Variants in ZMYM4 observed in about 807,000 individuals in gnomAD.
ZMYM4 encodes the protein zinc finger MYM-type containing 4.
ZMYM4 carries 31 observed loss-of-function variants against 183.2 expected under a neutral mutation model. The observed-to-expected ratio is 0.17, with a 90% CI of 0.13 to 0.23. ZMYM4 has a LOEUF of 0.23. Among genes scored for constraint, ZMYM4 ranks in the 10% least tolerant of loss-of-function variants. The probability of loss-of-function intolerance (pLI) is 1.00; values close to 1 mark genes in which losing one functional copy is unlikely to be tolerated. For missense variants in ZMYM4, 1,273 were observed against 1,840.3 expected (o/e 0.69, Z 5.64); for synonymous variants, 592 against 631.2 (o/e 0.94, Z 0.93).
chr1:35,388,896 T>C lies in ZMYM4; in HGVS notation c.2264-14T>C. On this transcript the variant is annotated splice_polypyrimidine_tract_variant and intron_variant, in intron 13 of 29. Coordinates refer to ENST00000314607, the MANE Select transcript of ZMYM4 (RefSeq NM_005095.3). ...CTTCTACCTAATGTTAATTTTATCT[T>C]TCCTGATTTTTAGGTTGCAAATTGC... is the stretch of plus-strand genomic sequence containing the variant. The C allele has an allele frequency of 6.2e-7, 1 of 1,612,766 alleles. No homozygotes were observed. The highest frequency in any genetic ancestry group is 8.5e-7 in the Non-Finnish European group (1 of 1,179,206).
intron 1 of ZMYM4, among the ~76,000 whole-genome samples, chr1:35,305,142 C>T (rs1259521135): frequency 6.6e-6 from 1 of 152,148 alleles, no homozygotes; most frequent in Non-Finnish European, 1.5e-5. Context: ...CTGCGCCCAG[C>T]CCACAAGTAA....
At position 35,405,477 on chromosome 1, in the gene ZMYM4, T is replaced by G; in HGVS notation, c.3796+9T>G. On this transcript the variant is annotated intron_variant, in intron 25 of 29. Transcript: ENST00000314607. ...AGAGCCAGGCTGTAGAGGTAAAATTTGTTTCTCTCCATTTGGTATGAATTA... is the reference window on the plus strand; with the variant it reads ...AGAGCCAGGCTGTAGAGGTAAAATTGGTTTCTCTCCATTTGGTATGAATTA... The G allele has an allele frequency of 6.3e-7, 1 of 1,581,626 alleles. No homozygotes were observed. Among genetic ancestry groups the G allele is most frequent in the Non-Finnish European group, 8.6e-7 (1 of 1,165,468 alleles).
In ZMYM4 at chr1:35,415,685, C is replaced by T. The variant is rs1640086120; in HGVS notation, c.4280C>T (p.Pro1427Leu). Residue 1427 changes from proline (P) to leucine (L), a missense_variant, in exon 28 of 30, where the codon CCA becomes CTA. Around this residue, in one of 6 missense-constraint regions of ZMYM4, gnomAD observed 145 missense variants for 331.6 expected, o/e 0.44. Coordinates refer to ENST00000314607, the MANE Select transcript of ZMYM4 (RefSeq NM_005095.3). ...STKMTYLRFF[P>L]PLQKQESEPD... is the part of the protein sequence containing the mutation. ...AAGATGACATATCTGAGGTTCTTCC[C>T]ACCTTTACAGAAGCAGGAGTCAGAA... is the stretch of plus-strand genomic sequence containing the variant. 2 of 1,613,418 alleles carry T rather than the reference C, an allele frequency of 1.2e-6. No homozygotes were observed. Among genetic ancestry groups the T allele is most frequent in the Non-Finnish European group, 1.7e-6 (2 of 1,180,020 alleles).
intron 23 of ZMYM4, among the ~76,000 whole-genome samples, chr1:35,403,916 A>G (rs940503424): frequency 1.3e-5 from 2 of 152,122 alleles, no homozygotes; most frequent in Non-Finnish European, 2.9e-5. Context: ...TAATCTTTCA[A>G]GAAGTTTGTC....
intron 1 of ZMYM4, among the ~76,000 whole-genome samples, chr1:35,270,531 G>T (rs954481234): frequency 6.6e-6 from 1 of 152,178 alleles, no homozygotes. Flanking sequence ...GGCCGAGGCG[G>T]CAGGATCACT....
intron 2 of ZMYM4, among the ~76,000 whole-genome samples, chr1:35,339,107 C>T (rs1470773849): frequency 6.6e-6 from 1 of 152,082 alleles, no homozygotes; most frequent in Non-Finnish European, 1.5e-5. Context: ...TTCAACCAAT[C>T]GTGGATCAAA....
At chr1:35,376,643 C>A (rs1450639092) in intron 7 of ZMYM4, among the ~76,000 whole-genome samples, 2 of 152,036 alleles carry the variant, frequency 1.3e-5, no homozygotes, top group Admixed American at 1.3e-4. Context: ...CCTGCCTCAG[C>A]CTCTCGAGTA....
At chr1:35,346,035 G>A (rs749877275) in intron 2 of ZMYM4, among the ~76,000 whole-genome samples, 5 of 152,194 alleles carry the variant, frequency 3.3e-5, no homozygotes, top group African/African-American at 7.2e-5. Context: ...GAATCATGCA[G>A]TGTTTATCTT....
At chr1:35,406,308 C>A (rs1558186248) in intron 25 of ZMYM4, among the ~76,000 whole-genome samples, 1 of 152,138 alleles carries the variant, frequency 6.6e-6, no homozygotes, top group African/African-American at 2.4e-5. Flanking sequence ...TAAATACACT[C>A]CTGTTGTGGA....
intron 5 of ZMYM4, among the ~76,000 whole-genome samples, chr1:35,365,468 T>G (rs1475730124): frequency 3.3e-5 from 5 of 152,072 alleles, no homozygotes; most frequent in African/African-American, 1.2e-4. Context: ...GAGGACGAGC[T>G]AATGTGTAGT....
At chr1:35,297,922 A>C (rs755868826) in intron 1 of ZMYM4, among the ~76,000 whole-genome samples, 1 of 152,246 alleles carries the variant, frequency 6.6e-6, no homozygotes, top group Non-Finnish European at 1.5e-5. Flanking sequence ...AGTAATTTGA[A>C]TATGGAAAGT....
In ZMYM4 at chr1:35,387,444, T is replaced by A; in HGVS notation, c.2113-10T>A. 2 of 1,598,372 alleles carry A rather than the reference T, an allele frequency of 1.3e-6. No homozygotes were observed. Among genetic ancestry groups the A allele is most frequent in the South Asian group, 1.1e-5 (1 of 87,536 alleles). Reference sequence around the variant, plus strand: ...TGTTTAATTAGTACTTAATGATTATTTCTTTGCAGGGCAAAATGTTTCAGT... The same window carrying A: ...TGTTTAATTAGTACTTAATGATTATATCTTTGCAGGGCAAAATGTTTCAGT... On this transcript the variant is annotated splice_polypyrimidine_tract_variant and intron_variant, in intron 12 of 29. Transcript: ENST00000314607.
intron 5 of ZMYM4, among the ~76,000 whole-genome samples, chr1:35,362,645 G>A (rs1486682185): frequency 6.6e-6 from 1 of 151,972 alleles, no homozygotes; most frequent in African/African-American, 2.4e-5. Flanking sequence ...TATATTAGAA[G>A]GTTTGAGACT....
Position 35,340,891 on chromosome 1 carries a change from G to A in ZMYM4, c.85+15486G>A, listed in dbSNP as rs188823719. ...TGCAAGCTCTTTATTTTATATTTTA[G>A]CATTTAAGTTTTATTTAATTGGATG... is the stretch of plus-strand genomic sequence containing the variant. On this transcript the variant is annotated intron_variant, in intron 2 of 29. Coordinates refer to ENST00000314607, the MANE Select transcript of ZMYM4 (RefSeq NM_005095.3). 6.6e-5 allele frequency among the ~76,000 whole-genome samples: 10 copies of A among 152,080 alleles called. No individual in the cohort carries two copies. In the East Asian group the frequency reaches 1.7e-3, roughly 26 times the overall value.
At position 35,347,936 on chromosome 1, in the gene ZMYM4, A is replaced by G. The variant is rs488019; in HGVS notation, c.86-10989A>G. ...TTACTCAGTAAGATGATAGTTTATTACAGTGATGTGCTTCAGTTTTAATAG... is the reference window on the plus strand; with the variant it reads ...TTACTCAGTAAGATGATAGTTTATTGCAGTGATGTGCTTCAGTTTTAATAG... On this transcript the variant is annotated intron_variant, in intron 2 of 29. Coordinates refer to ENST00000314607, the MANE Select transcript of ZMYM4 (RefSeq NM_005095.3). Among the ~76,000 whole-genome samples, 1,317 of 152,332 alleles carry G rather than the reference A, an allele frequency of 8.6e-3. 22 individuals are homozygous for G. The highest frequency in any genetic ancestry group is 0.026 in the African/African-American group (1,065 of 41,572).
chr1:35,372,196 TG>T (rs1644229116), intron 7 of ZMYM4, among the ~76,000 whole-genome samples: 3 of 152,216 alleles, frequency 2.0e-5, no homozygotes, highest in African/African-American at 7.2e-5. Context: ...TATATAAGAT[TG>T]GTGCTTTTGT....
intron 28 of ZMYM4, among the ~76,000 whole-genome samples, chr1:35,418,051 T>G (rs1272847051): frequency 6.6e-6 from 1 of 151,960 alleles, no homozygotes; most frequent in African/African-American, 2.4e-5. Flanking sequence ...TGATCTCTAC[T>G]GTAGGAGAAA....
At chr1:35,415,382 C>T in intron 27 of ZMYM4, 84 bp from the exon 28 acceptor site, 8 of 1,546,954 alleles carry the variant, frequency 5.2e-6, no homozygotes, top group African/African-American at 1.4e-5. Flanking sequence ...CTCTTTATAT[C>T]TCCCTGTCTT....
At position 35,389,781 on chromosome 1, in the gene ZMYM4, ATG is replaced by A. The variant is rs139535337; in HGVS notation, c.2437-141_2437-140del. ...AAAAAAAAAAAAAATATATATATAT[ATG>A]TGTGTGTGTGTGTGTGTGTGTGTGT... On this transcript the variant is annotated intron_variant, in intron 14 of 29. Transcript: ENST00000314607. The surrounding 1 kb of genome is among the most constrained non-coding windows in gnomAD (Gnocchi z 4.0). Among the ~76,000 whole-genome samples the A allele has an allele frequency of 3.3e-3, 461 of 141,268 alleles. 1 individual carries two copies. The highest frequency in any genetic ancestry group is 9.5e-3 in the African/African-American group (359 of 37,642). 92.7% of individuals were successfully genotyped at this position (141,268 alleles called of 152,430 possible).
Sources: gnomAD v4.1 joint callset for allele counts (sites outside exome capture counted in the v4.1 genomes callset) on GRCh38, gnomAD v4.1.1 for gene constraint, gnomAD v4.1.1 regional missense constraint, Gnocchi (gnomAD v3.1) non-coding constraint, MANE v1.5 for transcripts, NCBI Gene and HGNC (gene_info 2026-07-23, HGNC 2026-07-21) for gene names.